PTPRO: variants seen among roughly 807,000 people sequenced by gnomAD.
The protein encoded by PTPRO is protein tyrosine phosphatase receptor type O.
PTPRO carries 62 observed loss-of-function variants against 145.2 expected under a neutral mutation model. The observed-to-expected ratio is 0.43, with a 90% CI of 0.35 to 0.53. The LOEUF (loss-of-function observed/expected upper bound fraction) is 0.53. Ranked by LOEUF, PTPRO falls within the 20% of genes least tolerant of loss-of-function variation. PTPRO has a pLI of 0.01. For synonymous variants in PTPRO, 565 were observed against 514.7 expected (o/e 1.10, Z -1.32); for missense variants, 1,345 against 1,482.7 (o/e 0.91, Z 1.53).
intron 12 of PTPRO, among the ~76,000 whole-genome samples, chr12:15,541,823 C>T (rs770478998): frequency 5.9e-5 from 9 of 152,070 alleles, no homozygotes; most frequent in Admixed American, 2.0e-4. Context: ...ACCAGCCTGG[C>T]CAACATGGTG....
chr12:15,434,947 G>T (rs538119880), intron 1 of PTPRO, among the ~76,000 whole-genome samples: 2 of 152,236 alleles, frequency 1.3e-5, no homozygotes, highest in African/African-American at 4.8e-5. Flanking sequence ...AGAATAATAG[G>T]TGCTTTTGCA....
At chr12:15,446,559 G>A (rs1403460216) in intron 1 of PTPRO, among the ~76,000 whole-genome samples, 2 of 151,666 alleles carry the variant, frequency 1.3e-5, no homozygotes, top group African/African-American at 4.8e-5. Flanking sequence ...GATAGAATAG[G>A]GAGGAAGGCA....
intron 1 of PTPRO, among the ~76,000 whole-genome samples, chr12:15,459,704 G>T (rs1288527946): frequency 6.6e-6 from 1 of 152,174 alleles, no homozygotes; most frequent in Non-Finnish European, 1.5e-5. Context: ...TGATGTTACT[G>T]TCCTCTAATT....
At chr12:15,368,951 G>T (rs144649042) in intron 1 of PTPRO, among the ~76,000 whole-genome samples, 3 of 152,146 alleles carry the variant, frequency 2.0e-5, no homozygotes. Flanking sequence ...AGCAACTCCC[G>T]TGGGGGCTGT....
chr12:15,400,107 C>G (rs572138327), intron 1 of PTPRO, among the ~76,000 whole-genome samples: 43 of 149,398 alleles, frequency 2.9e-4, no homozygotes, highest in Non-Finnish European at 5.3e-4. Context: ...TCTCCTGCCT[C>G]AGCCTCCTGA....
intron 1 of PTPRO, among the ~76,000 whole-genome samples, chr12:15,336,354 T>C (rs891300299): frequency 2.0e-5 from 3 of 152,212 alleles, no homozygotes; most frequent in African/African-American, 4.8e-5. Flanking sequence ...TTAACCCATA[T>C]GTCAAGGTCA....
At chr12:15,358,085 A>T (rs1307169562) in intron 1 of PTPRO, among the ~76,000 whole-genome samples, 2 of 151,660 alleles carry the variant, frequency 1.3e-5, no homozygotes, top group Non-Finnish European at 2.9e-5. Context: ...TTTCCTTTGT[A>T]GGGACATGGA....
intron 1 of PTPRO, among the ~76,000 whole-genome samples, chr12:15,342,846 G>A (rs1410396202): frequency 2.0e-5 from 3 of 152,130 alleles, no homozygotes; most frequent in Non-Finnish European, 2.9e-5. Context: ...TTTTCCCATT[G>A]CAGTTTGTCA....
chr12:15,382,493 A>G (rs972610381), intron 1 of PTPRO, among the ~76,000 whole-genome samples: 7 of 152,208 alleles, frequency 4.6e-5, no homozygotes, highest in African/African-American at 1.7e-4. Flanking sequence ...CAGGCTGTGG[A>G]GACAGAATTT....
intron 1 of PTPRO, among the ~76,000 whole-genome samples, chr12:15,404,201 A>G (rs998851158): frequency 2.4e-4 from 37 of 151,384 alleles, no homozygotes; most frequent in Non-Finnish European, 4.7e-4. Context: ...AAAAAAAAAA[A>G]AAAAAAAAAA....
At chr12:15,508,805 T>G in intron 7 of PTPRO, 38 bp downstream of exon 7, 1 of 1,599,152 alleles carries the variant, frequency 6.3e-7, no homozygotes, top group Non-Finnish European at 8.6e-7. Context: ...CGCCGGTCCT[T>G]CCTAAGCACA....
chr12:15,502,562 A>G (rs1362395779), intron 5 of PTPRO, among the ~76,000 whole-genome samples: 1 of 152,196 alleles, frequency 6.6e-6, no homozygotes, highest in Non-Finnish European at 1.5e-5. Context: ...GCGCCCCTCT[A>G]GAAAAAGCAC....
rs774482419 is a variant in PTPRO at position 15,322,822 on chromosome 12, C to T, written c.75+21C>T. 3 of 1,607,950 alleles carry T rather than the reference C, an allele frequency of 1.9e-6. No individual in the cohort carries two copies. Among genetic ancestry groups the T allele is most frequent in the African/African-American group, 1.3e-5 (1 of 74,356 alleles). On this transcript the variant is annotated intron_variant, in intron 1 of 26. Transcript: ENST00000281171. This position sits in a 1 kb window ranked among gnomAD's most constrained non-coding sequence, Gnocchi z 6.3. ...TCAAGGTAGGGGAGCTCCTCCACCC[C>T]TTTTTCCCAGCGGTCCGGGCGGCAG...
intron 15 of PTPRO, among the ~76,000 whole-genome samples, chr12:15,552,112 G>T (rs1943479513): frequency 6.6e-6 from 1 of 152,022 alleles, no homozygotes; most frequent in African/African-American, 2.4e-5. Context: ...GAAAATATTT[G>T]TACAGTTTAT....
At chr12:15,398,883 CTCTTTAGAGTGCGGCT>C (rs1939416666) in intron 1 of PTPRO, among the ~76,000 whole-genome samples, 1 of 152,072 alleles carries the variant, frequency 6.6e-6, no homozygotes, top group African/African-American at 2.4e-5. Flanking sequence ...AGTACTTTTT[CTCTTTAGAGTGCGGCT>C]CAACACTAGA....
At chr12:15,502,258 G>C (rs1357800136) in intron 5 of PTPRO, among the ~76,000 whole-genome samples, 195 bp downstream of exon 5, 1 of 152,174 alleles carries the variant, frequency 6.6e-6, no homozygotes, top group Non-Finnish European at 1.5e-5. Context: ...GACTGGATAA[G>C]AATCAGAAGG....
chr12:15,360,196 A>G (rs1338226054), intron 1 of PTPRO, among the ~76,000 whole-genome samples: 1 of 152,156 alleles, frequency 6.6e-6, no homozygotes, highest in Non-Finnish European at 1.5e-5. Flanking sequence ...GCATTTTTAC[A>G]TTAAAATATG....
At chr12:15,368,214 GC>G (rs1198764567) in intron 1 of PTPRO, among the ~76,000 whole-genome samples, 1 of 152,056 alleles carries the variant, frequency 6.6e-6, no homozygotes, top group African/African-American at 2.4e-5. Context: ...CTGGCCCATG[GC>G]TTTGCCCTGG....
intron 1 of PTPRO, among the ~76,000 whole-genome samples, chr12:15,388,419 C>T (rs1428197820): frequency 6.6e-6 from 1 of 151,908 alleles, no homozygotes; most frequent in Admixed American, 6.6e-5. Context: ...TTTTTTCTTC[C>T]CGTGTTTTAA....
Sources: allele counts gnomAD v4.1 joint callset (sites outside exome capture counted in the v4.1 genomes callset), GRCh38; gene constraint gnomAD v4.1.1; non-coding constraint Gnocchi (gnomAD v3.1); transcripts MANE v1.5; gene names NCBI Gene and HGNC (gene_info 2026-07-23, HGNC 2026-07-21).